The following TMEM196 variants were observed in gnomAD, a reference collection of about 807,000 sequenced individuals.
TMEM196 encodes the protein transmembrane protein 196.
A neutral mutation model predicts 20.0 loss-of-function variants in TMEM196; 17 were observed. That is an observed-to-expected ratio of 0.85 (90% CI 0.58 to 1.27). The LOEUF (loss-of-function observed/expected upper bound fraction) is 1.27. Ranked by LOEUF, TMEM196 falls within the 50% of genes most tolerant of loss-of-function variation. The pLI is 0.00. For missense variants in TMEM196, 267 were observed against 223.0 expected (o/e 1.20, Z -1.26); for synonymous variants, 113 against 88.9 (o/e 1.27, Z -1.52).
intron 1 of TMEM196, 28 bp downstream of exon 1, chr7:19,772,522 C>G: frequency 6.6e-7 from 1 of 1,516,142 alleles, no homozygotes; most frequent in African/African-American, 1.4e-5. Context: ...AGTGAAATGG[C>G]TCAACGTACA....
intron 2 of TMEM196, 104 bp downstream of exon 2, chr7:19,729,278 A>G (rs924110552): frequency 1.2e-6 from 1 of 834,926 alleles, no homozygotes; most frequent in Non-Finnish European, 1.6e-6. Context: ...TTTGCCTCAA[A>G]CTAGCAATAT....
At position 19,724,352 on chromosome 7, in the gene TMEM196, C is replaced by G. The variant is rs1223444029; in HGVS notation, c.461G>C (p.Arg154Thr). 10 of 1,549,900 alleles carry G rather than the reference C, an allele frequency of 6.5e-6. No homozygotes were observed. Among genetic ancestry groups the G allele is most frequent in the Non-Finnish European group, 7.0e-6 (8 of 1,146,676 alleles). The change falls in exon 4 of 5, where the codon AGA becomes ACA. Residue 154 changes from arginine to threonine, a missense_variant and splice_region_variant. Arg to Thr is a moderately conservative substitution (Grantham distance 71). Coordinates refer to ENST00000405844, the MANE Select transcript of TMEM196 (RefSeq NM_001363562.2). ...GTCGGTTATTTCAATAGCCCTCAATCTCTAATGTAAATATAACAATCATAC... is the reference window on the plus strand; with the variant it reads ...GTCGGTTATTTCAATAGCCCTCAATGTCTAATGTAAATATAACAATCATAC... ...LHHSHEMAEKRLRAIEITDLP... is the reference protein window; with the variant it reads ...LHHSHEMAEKTLRAIEITDLP...
rs1783832498 is a variant in TMEM196, at chr7:19,722,092, A to G, written c.*36T>C. On this transcript the variant is annotated 3_prime_UTR_variant, in exon 5 of 5. Transcript: ENST00000405844. ...AACATTGATTACACTCTTCCATTAA[A>G]TATCAGCTGTGGTCCTCCATTGCTC... 1.2e-6 allele frequency: 2 copies of G among 1,610,304 alleles called. No individual in the cohort carries two copies. The highest frequency in any genetic ancestry group is 1.7e-6 in the Non-Finnish European group (2 of 1,178,262).
At chr7:19,747,966 T>G (rs1784819923) in intron 1 of TMEM196, among the ~76,000 whole-genome samples, 1 of 152,182 alleles carries the variant, frequency 6.6e-6, no homozygotes, top group Admixed American at 6.5e-5. Context: ...TCCCAATTAA[T>G]TAACAACTAA....
At chr7:19,730,701 T>A (rs780269408) in intron 1 of TMEM196, among the ~76,000 whole-genome samples, 7 of 152,184 alleles carry the variant, frequency 4.6e-5, no homozygotes, top group Non-Finnish European at 8.8e-5. Context: ...AAGGATTATC[T>A]GAGATAATAT....
intron 1 of TMEM196, among the ~76,000 whole-genome samples, chr7:19,765,099 T>C (rs1490523769): frequency 1.3e-5 from 2 of 150,774 alleles, no homozygotes; most frequent in Non-Finnish European, 2.9e-5. Context: ...TACCACATTT[T>C]TCATAAAGTT....
At chr7:19,730,703 A>C (rs1784174167) in intron 1 of TMEM196, among the ~76,000 whole-genome samples, 1 of 152,206 alleles carries the variant, frequency 6.6e-6, no homozygotes, top group Non-Finnish European at 1.5e-5. Context: ...GGATTATCTG[A>C]GATAATATGC....
intron 1 of TMEM196, among the ~76,000 whole-genome samples, chr7:19,740,523 A>G (rs1174056076): frequency 6.6e-6 from 1 of 152,186 alleles, no homozygotes; most frequent in Non-Finnish European, 1.5e-5. Context: ...CAAAATTATG[A>G]TGTAAATATT....
Position 19,724,329 on chromosome 7 carries a change from C to T in TMEM196, c.484G>A (p.Asp162Asn), listed in dbSNP as rs1366006684. ...EKRLRAIEITDLPSCPVVPPT... is the reference protein window; with the variant it reads ...EKRLRAIEITNLPSCPVVPPT... ...GGCACCACCGGGCAGCTGGGCAAGT[C>T]GGTTATTTCAATAGCCCTCAATCTC... The change falls in exon 4 of 5, where the codon GAC (aspartate) becomes AAC (asparagine). Residue 162 changes from aspartate to asparagine, a missense_variant. Asp to Asn is a conservative substitution (Grantham distance 23). Transcript: ENST00000405844. The T allele has an allele frequency of 1.2e-5, 19 of 1,550,110 alleles. No homozygotes were observed. The highest frequency in any genetic ancestry group is 2.4e-5 in the East Asian group (1 of 40,928).
In TMEM196 at chr7:19,722,098, G is replaced by T. The variant is rs754639455; in HGVS notation, c.*30C>A. ...GATTACACTCTTCCATTAAATATCAGCTGTGGTCCTCCATTGCTCATGTTG... is the reference window on the plus strand; with the variant it reads ...GATTACACTCTTCCATTAAATATCATCTGTGGTCCTCCATTGCTCATGTTG... On this transcript the variant is annotated 3_prime_UTR_variant, in exon 5 of 5. Coordinates refer to ENST00000405844, the MANE Select transcript of TMEM196 (RefSeq NM_001363562.2). 9.3e-6 allele frequency: 15 copies of T among 1,609,740 alleles called. No individual in the cohort carries two copies. The Admixed American group carries it at 2.5e-4, about 27-fold the overall frequency.
chr7:19,732,622 G>GTT (rs35891413), intron 1 of TMEM196, among the ~76,000 whole-genome samples: 8 of 133,060 alleles, frequency 6.0e-5, no homozygotes, highest in Non-Finnish European at 7.9e-5. Context: ...GATTTTTAGA[G>GTT]TTTTTTTTTT....
At chr7:19,761,152 C>G (rs1452663198) in intron 1 of TMEM196, among the ~76,000 whole-genome samples, 1 of 152,206 alleles carries the variant, frequency 6.6e-6, no homozygotes, top group Non-Finnish European at 1.5e-5. Context: ...CCTCAGTGGT[C>G]TTGGCTTTCA....
intron 1 of TMEM196, among the ~76,000 whole-genome samples, chr7:19,750,665 C>T (rs541795830): frequency 6.6e-6 from 1 of 152,184 alleles, no homozygotes; most frequent in African/African-American, 2.4e-5. Context: ...CAGTGCTTAG[C>T]AGTCTATAAA....
intron 3 of TMEM196, among the ~76,000 whole-genome samples, chr7:19,725,237 C>G (rs1003503427): frequency 6.6e-6 from 1 of 152,114 alleles, no homozygotes. Context: ...CAGTATAATA[C>G]ATAAAAATCC....
chr7:19,761,574 C>T (rs1184710741), intron 1 of TMEM196, among the ~76,000 whole-genome samples: 1 of 152,110 alleles, frequency 6.6e-6, no homozygotes, highest in African/African-American at 2.4e-5. Flanking sequence ...GGTGGCTTAG[C>T]AGACCAGGTG....
chr7:19,757,897 C>T (rs1195881874), intron 1 of TMEM196, among the ~76,000 whole-genome samples: 1 of 149,980 alleles, frequency 6.7e-6, no homozygotes, highest in Non-Finnish European at 1.5e-5. Context: ...CCTTTTTAAA[C>T]ATATAGGATG....
chr7:19,723,289 C>CA (rs1293773685), intron 4 of TMEM196, among the ~76,000 whole-genome samples: 2 of 151,798 alleles, frequency 1.3e-5, no homozygotes, highest in Non-Finnish European at 2.9e-5. Context: ...TGATCTTCAA[C>CA]AAAATTTACT....
chr7:19,755,469 G>A (rs1785172391), intron 1 of TMEM196, among the ~76,000 whole-genome samples: 1 of 152,132 alleles, frequency 6.6e-6, no homozygotes, highest in Non-Finnish European at 1.5e-5. Context: ...TTTGGTACTT[G>A]CCAGATTATA....
chr7:19,762,522 C>A (rs1002297428), intron 1 of TMEM196, among the ~76,000 whole-genome samples: 2 of 151,988 alleles, frequency 1.3e-5, no homozygotes, highest in African/African-American at 4.8e-5. Context: ...ATTTATGTAA[C>A]TTAAAGTAGT....
Sources: allele counts gnomAD v4.1 joint callset (sites outside exome capture counted in the v4.1 genomes callset), GRCh38; gene constraint gnomAD v4.1.1; transcripts MANE v1.5; gene names NCBI Gene and HGNC (gene_info 2026-07-23, HGNC 2026-07-21).